COL4A3: variants seen among roughly 807,000 people sequenced by gnomAD.
COL4A3 encodes the protein collagen alpha-3(IV) chain.
COL4A3 carries 135 observed loss-of-function variants against 217.4 expected under a neutral mutation model. The observed-to-expected ratio is 0.62, with a 90% CI of 0.54 to 0.72. COL4A3 has a LOEUF of 0.72. COL4A3 is among the 30% of genes least tolerant of loss of function. COL4A3 has a pLI of 0.00. For synonymous variants in COL4A3, 690 were observed against 736.3 expected (o/e 0.94, Z 1.02); for missense variants, 1,868 against 2,119.9 (o/e 0.88, Z 2.33).
At chr2:227,225,012 A>G (rs1302990879) in intron 1 of COL4A3, among the ~76,000 whole-genome samples, 1 of 152,158 alleles carries the variant, frequency 6.6e-6, no homozygotes, top group East Asian at 1.9e-4. Flanking sequence ...CCTGGGCTCC[A>G]GCGATCCTCC....
chr2:227,198,214 C>T (rs2066555123), intron 1 of COL4A3, among the ~76,000 whole-genome samples: 1 of 152,172 alleles, frequency 6.6e-6, no homozygotes, highest in African/African-American at 2.4e-5. Context: ...AGGCAGCTAA[C>T]TTCCTGATTG....
In COL4A3 at chr2:227,247,022, A is replaced by C. The variant is rs2069391432; in HGVS notation, c.441+284A>C. 2.6e-5 allele frequency among the ~76,000 whole-genome samples: 4 copies of C among 152,314 alleles called. No individual in the cohort carries two copies. The South Asian group carries it at 8.3e-4, about 32-fold the overall frequency. ...CCAGCTGGTGGTGACTCAAGGAGTCAGAGTGAGGAGAAAAGGGGCTTAGAA... is the reference window on the plus strand; with the variant it reads ...CCAGCTGGTGGTGACTCAAGGAGTCCGAGTGAGGAGAAAAGGGGCTTAGAA... On this transcript the variant is annotated intron_variant, in intron 7 of 51. Transcript: ENST00000396578.
At chr2:227,247,676 A>G in intron 8 of COL4A3, 92 bp downstream of exon 8, 1 of 1,228,978 alleles carries the variant, frequency 8.1e-7, no homozygotes, top group Middle Eastern at 1.9e-4. Flanking sequence ...GTCATTACAA[A>G]TAAGATTTCA....
rs113444523 is a variant in COL4A3 at position 227,170,774 on chromosome 2, A to AT, written c.87+5967dup. 8.9e-3 allele frequency among the ~76,000 whole-genome samples: 1,349 copies of AT among 152,226 alleles called. 13 individuals are homozygous for AT. The highest frequency in any genetic ancestry group is 0.03 in the African/African-American group (1,251 of 41,538). Reference sequence around the variant, plus strand: ...ATATTTTAACATTTTATTAAGTATGATTTTTTCTGTAGAGTTTTAATAATT... The same window carrying AT: ...ATATTTTAACATTTTATTAAGTATGATTTTTTTCTGTAGAGTTTTAATAATT... On this transcript the variant is annotated intron_variant, in intron 1 of 51. Coordinates refer to ENST00000396578, the MANE Select transcript of COL4A3 (RefSeq NM_000091.5).
rs1483672950 is a variant in COL4A3, at chr2:227,187,701, C to T, written c.87+22888C>T. On this transcript the variant is annotated intron_variant, in intron 1 of 51. Coordinates refer to ENST00000396578, the MANE Select transcript of COL4A3 (RefSeq NM_000091.5). ...TATAGCAATGCAGTAGAAATTCTACCATTCCTGCTCCAGACAACCAACGCA... is the reference window on the plus strand; with the variant it reads ...TATAGCAATGCAGTAGAAATTCTACTATTCCTGCTCCAGACAACCAACGCA... Among the ~76,000 whole-genome samples, 5 of 152,198 alleles carry T rather than the reference C, an allele frequency of 3.3e-5. No homozygotes were observed. In the East Asian group the frequency reaches 9.6e-4, roughly 29 times the overall value.
In COL4A3 at chr2:227,269,981, G is replaced by GT. The variant is rs1271396790; in HGVS notation, c.1575+2dup. On this transcript the variant is annotated splice_donor_variant, in intron 24 of 51. Transcript: ENST00000396578. LOFTEE classifies it high-confidence loss of function. ...AAATACAGGTCTTCCAGGATTTCCAGTAAGATTTCATGTTTTTAAATCTTT... is the reference window on the plus strand; with the variant it reads ...AAATACAGGTCTTCCAGGATTTCCAGTTAAGATTTCATGTTTTTAAATCTTT... 2.5e-6 allele frequency: 4 copies of GT among 1,612,918 alleles called. No individual in the cohort carries two copies. In the South Asian group the frequency reaches 4.4e-5, roughly 18 times the overall value.
chr2:227,232,700 G>T (rs2068473572), intron 1 of COL4A3, among the ~76,000 whole-genome samples: 1 of 151,914 alleles, frequency 6.6e-6, no homozygotes, highest in Non-Finnish European at 1.5e-5. Flanking sequence ...CAAATCTTTT[G>T]CCCATTTTTT....
intron 1 of COL4A3, among the ~76,000 whole-genome samples, chr2:227,196,596 C>T (rs925945513): frequency 5.3e-5 from 8 of 152,138 alleles, no homozygotes; most frequent in African/African-American, 1.4e-4. Flanking sequence ...GGATTACAGG[C>T]GTAAGCCACT....
In COL4A3 at chr2:227,253,581, A is replaced by AC. The variant is rs988439345; in HGVS notation, c.713dup (p.Pro240ThrfsTer14). 6.2e-7 allele frequency: 1 copy of AC among 1,613,890 alleles called. No individual in the cohort carries two copies. On this transcript the variant is annotated frameshift_variant, in exon 13 of 52. Coordinates refer to ENST00000396578, the MANE Select transcript of COL4A3 (RefSeq NM_000091.5). LOFTEE classifies it high-confidence loss of function. This position sits in a 1 kb window ranked among gnomAD's most constrained non-coding sequence, Gnocchi z 4.4. ...TTTAGGGTGTGAAAGGGTTAACAGG[A>AC]CCCCCGGGACCACCAGGAACAGTTA... is the stretch of plus-strand genomic sequence containing the variant.
chr2:227,217,838 A>G (rs953201448), intron 1 of COL4A3, among the ~76,000 whole-genome samples: 1 of 152,094 alleles, frequency 6.6e-6, no homozygotes, highest in Non-Finnish European at 1.5e-5. Flanking sequence ...AGAAAAAGTA[A>G]TGAAATTTGG....
At chr2:227,193,751 A>G (rs28577912) in intron 1 of COL4A3, among the ~76,000 whole-genome samples, 3,052 of 9,402 alleles carry the variant, frequency 0.32, 212 homozygotes, top group African/African-American at 0.45. Flanking sequence ...GAGGGAGGGA[A>G]GGAAGGAAGG....
At chr2:227,218,080 C>CTATATATATATATATATATAGCTA (rs1553743392) in intron 1 of COL4A3, among the ~76,000 whole-genome samples, 78 of 118,366 alleles carry the variant, frequency 6.6e-4, no homozygotes, top group Non-Finnish European at 1.4e-3. Flanking sequence ...ATATATATAG[C>CTATATATATATATATATATAGCTA]TATATATATA....
chr2:227,180,823 G>GT (rs1282986547), intron 1 of COL4A3, among the ~76,000 whole-genome samples: 2 of 152,140 alleles, frequency 1.3e-5, no homozygotes, highest in East Asian at 3.8e-4. Context: ...TAGTCCAAAT[G>GT]TTTTTTATAC....
intron 7 of COL4A3, 44 bp from the exon 8 acceptor site, chr2:227,247,514 C>G: frequency 6.2e-7 from 1 of 1,600,400 alleles, no homozygotes; most frequent in Non-Finnish European, 8.6e-7. Context: ...GGAGTGTGTG[C>G]GTTTGATATT....
At chr2:227,235,297 C>T (rs760836958) in intron 1 of COL4A3, among the ~76,000 whole-genome samples, 3 of 152,012 alleles carry the variant, frequency 2.0e-5, no homozygotes, top group Non-Finnish European at 4.4e-5. Context: ...GTTTAAAAAC[C>T]CAGAAAGACA....
At chr2:227,239,357 C>T (rs4675158) in intron 2 of COL4A3, among the ~76,000 whole-genome samples, 15,123 of 152,164 alleles carry the variant, frequency 0.099, 896 homozygotes, top group Admixed American at 0.16. Flanking sequence ...TATGCAAATA[C>T]GATGCCATTT....
chr2:227,277,040 C>T (rs939192555), intron 27 of COL4A3, among the ~76,000 whole-genome samples: 1 of 152,116 alleles, frequency 6.6e-6, no homozygotes, highest in Non-Finnish European at 1.5e-5. Context: ...TTTTTCTTGG[C>T]CGGGCACGGT....
At position 227,164,928 on chromosome 2, in the gene COL4A3, T is replaced by C; in HGVS notation, c.87+115T>C. ...GGTAGTGGAGCGGCTGCCGGGCTAG[T>C]GGCGAGGCTGAGGGCTTCACGCAGG... On this transcript the variant is annotated intron_variant, in intron 1 of 51. Transcript: ENST00000396578. The surrounding 1 kb of genome is among the most constrained non-coding windows in gnomAD (Gnocchi z 4.8). 7.9e-7 allele frequency: 1 copy of C among 1,266,580 alleles called. No homozygotes were observed. The allele number at this position is 1,266,580 out of a possible 1,614,324, so 78.5% of individuals were successfully genotyped here. A position where few individuals can be genotyped will look rare whatever the true frequency, so the allele number is the denominator to read the frequency against.
chr2:227,229,252 T>A (rs1475014541), intron 1 of COL4A3, among the ~76,000 whole-genome samples: 1 of 152,212 alleles, frequency 6.6e-6, no homozygotes, highest in African/African-American at 2.4e-5. Context: ...GTAATATATT[T>A]GATCTGGCAC....
Sources: allele counts gnomAD v4.1 joint callset (sites outside exome capture counted in the v4.1 genomes callset), GRCh38; gene constraint gnomAD v4.1.1; non-coding constraint Gnocchi (gnomAD v3.1); transcripts MANE v1.5; gene names NCBI Gene and HGNC (gene_info 2026-07-23, HGNC 2026-07-21).